COX7B2: variants seen among roughly 807,000 people sequenced by gnomAD.
COX7B2 encodes the protein cytochrome c oxidase subunit 7B2.
For synonymous variants in COX7B2, 37 were observed against 32.1 expected (o/e 1.15, Z -0.51); for missense variants, 109 against 95.9 (o/e 1.14, Z -0.57).
At chr4:46,894,548 T>C (rs909967257) in intron 1 of COX7B2, among the ~76,000 whole-genome samples, 6 of 152,112 alleles carry the variant, frequency 3.9e-5, no homozygotes, top group Admixed American at 2.0e-4. Context: ...GAAGACAACC[T>C]AGGCAATACC....
At chr4:46,876,404 C>CTTTTT (rs1213695191) in intron 1 of COX7B2, among the ~76,000 whole-genome samples, 231 of 128,094 alleles carry the variant, frequency 1.8e-3, no homozygotes, top group African/African-American at 6.3e-3. Flanking sequence ...GTCCTATTGT[C>CTTTTT]TTTTTTTTTT....
intron 1 of COX7B2, among the ~76,000 whole-genome samples, chr4:46,906,030 C>T (rs569716606): frequency 1.7e-3 from 254 of 151,450 alleles, no homozygotes; most frequent in African/African-American, 5.7e-3. Context: ...GGGGTTTCAC[C>T]TTGTTAGCCA....
intron 1 of COX7B2, among the ~76,000 whole-genome samples, chr4:46,851,121 C>G (rs1284251826): frequency 6.6e-6 from 1 of 151,880 alleles, no homozygotes; most frequent in East Asian, 1.9e-4. Flanking sequence ...ATGACAGGAT[C>G]CAAGAAGGTA....
chr4:46,774,836 A>C (rs1374529420), intron 2 of COX7B2, among the ~76,000 whole-genome samples: 1 of 152,070 alleles, frequency 6.6e-6, no homozygotes, highest in Non-Finnish European at 1.5e-5. Context: ...AAAGGCAAAC[A>C]ATGTAAATGT....
At chr4:46,828,768 T>C (rs1291952674) in intron 2 of COX7B2, among the ~76,000 whole-genome samples, 1 of 152,172 alleles carries the variant, frequency 6.6e-6, no homozygotes, top group African/African-American at 2.4e-5. Flanking sequence ...AGTAATATTA[T>C]ATAGTTTTCA....
chr4:46,742,460 C>G (rs1714773510), intron 2 of COX7B2, among the ~76,000 whole-genome samples: 1 of 152,074 alleles, frequency 6.6e-6, no homozygotes, highest in African/African-American at 2.4e-5. Context: ...TGTCCCCTTT[C>G]ACAATATATT....
At chr4:46,807,818 A>C (rs1719080856) in intron 2 of COX7B2, among the ~76,000 whole-genome samples, 1 of 151,852 alleles carries the variant, frequency 6.6e-6, no homozygotes, top group African/African-American at 2.4e-5. Flanking sequence ...TCCTTGTCTA[A>C]AATTAGTTGA....
intron 2 of COX7B2, among the ~76,000 whole-genome samples, chr4:46,785,037 T>C (rs576250841): frequency 3.2e-4 from 48 of 152,274 alleles, no homozygotes; most frequent in Non-Finnish European, 6.5e-4. Flanking sequence ...AGAAAATATA[T>C]AAAGATATGA....
intron 1 of COX7B2, among the ~76,000 whole-genome samples, chr4:46,880,973 C>A: frequency 8.2e-6 from 1 of 121,894 alleles, no homozygotes. Context: ...TGCACATGTA[C>A]CCTAAAACTT....
At chr4:46,832,457 G>T (rs1715208970) in intron 2 of COX7B2, among the ~76,000 whole-genome samples, 1 of 152,142 alleles carries the variant, frequency 6.6e-6, no homozygotes, top group South Asian at 2.1e-4. Context: ...CAAGTTAAAA[G>T]TGTCACATAT....
At chr4:46,839,208 G>C (rs924311818) in intron 2 of COX7B2, among the ~76,000 whole-genome samples, 1 of 151,958 alleles carries the variant, frequency 6.6e-6, no homozygotes, top group Admixed American at 6.6e-5. Context: ...CCCTCATTGT[G>C]AATTTGTTCT....
chr4:46,779,861 G>T (rs908206780), intron 2 of COX7B2, among the ~76,000 whole-genome samples: 1 of 151,872 alleles, frequency 6.6e-6, no homozygotes, highest in African/African-American at 2.4e-5. Flanking sequence ...GAGGTCAAAT[G>T]GTACAAAGTT....
At chr4:46,754,212 G>A (rs1466558109) in intron 2 of COX7B2, among the ~76,000 whole-genome samples, 2 of 151,816 alleles carry the variant, frequency 1.3e-5, no homozygotes, top group Non-Finnish European at 2.9e-5. Flanking sequence ...CCCATTACTA[G>A]GTATATACCC....
chr4:46,833,094 G>A (rs921705746), intron 2 of COX7B2, among the ~76,000 whole-genome samples: 3 of 151,992 alleles, frequency 2.0e-5, no homozygotes, highest in Non-Finnish European at 2.9e-5. Flanking sequence ...TAGTAGAGAC[G>A]GGATTTCTCC....
At chr4:46,822,380 TAA>T (rs201730248) in intron 2 of COX7B2, among the ~76,000 whole-genome samples, 1 of 146,998 alleles carries the variant, frequency 6.8e-6, no homozygotes, top group African/African-American at 2.5e-5. Flanking sequence ...CTTGAGGAGA[TAA>T]AAAAAAAAAT....
intron 1 of COX7B2, among the ~76,000 whole-genome samples, chr4:46,865,464 C>T (rs1380527839): frequency 6.6e-6 from 1 of 152,148 alleles, no homozygotes; most frequent in Non-Finnish European, 1.5e-5. Flanking sequence ...TCCTTTGGTC[C>T]ATTACCTTTG....
At chr4:46,806,637 C>G (rs1269303493) in intron 2 of COX7B2, among the ~76,000 whole-genome samples, 3 of 152,042 alleles carry the variant, frequency 2.0e-5, no homozygotes, top group Admixed American at 2.0e-4. Context: ...TCTACTTATT[C>G]ATCATACATA....
rs1444041651 is a variant in COX7B2, at chr4:46,888,408, A to T, written c.-105+20752T>A. ...AAAAGTAATACATACAATTTAAGTA[A>T]CGGTGCTGGACAGGGGCAGATTATG... On this transcript the variant is annotated intron_variant, in intron 1 of 2. Coordinates refer to ENST00000355591, the MANE Select transcript of COX7B2 (RefSeq NM_130902.3). 2.6e-5 allele frequency among the ~76,000 whole-genome samples: 4 copies of T among 151,938 alleles called. No individual in the cohort carries two copies. The South Asian group carries it at 8.3e-4, about 32-fold the overall frequency.
chr4:46,738,125 C>T (rs1714478263), intron 2 of COX7B2, among the ~76,000 whole-genome samples: 1 of 152,248 alleles, frequency 6.6e-6, no homozygotes, highest in East Asian at 1.9e-4. Flanking sequence ...CTGTGCCACA[C>T]ATTGCTTTCA....
Sources: gnomAD v4.1 joint callset for allele counts (sites outside exome capture counted in the v4.1 genomes callset) on GRCh38, gnomAD v4.1.1 for gene constraint, MANE v1.5 for transcripts, NCBI Gene and HGNC (gene_info 2026-07-23, HGNC 2026-07-21) for gene names.